Variants in CNTN1 observed in about 807,000 individuals in gnomAD.
The protein encoded by CNTN1 is contactin-1.
Under a neutral mutation model 126.4 loss-of-function variants are expected in CNTN1, and 38 were observed. The ratio of observed to expected loss-of-function variants is 0.30; its 90% CI spans 0.23 to 0.39. The LOEUF is 0.39. Ranked by LOEUF, CNTN1 falls within the 10% of genes least tolerant of loss-of-function variation. The pLI is 1.00. For missense variants in CNTN1, 1,009 were observed against 1,248.4 expected, an observed-to-expected ratio of 0.81 and a Z score of 2.89; for synonymous variants, 413 against 422.6, an observed-to-expected ratio of 0.98 and a Z score of 0.28.
At chr12:40,707,349 C>G (rs1027019903) in intron 1 of CNTN1, among the ~76,000 whole-genome samples, 33 of 148,940 alleles carry the variant, frequency 2.2e-4, no homozygotes, top group Non-Finnish European at 3.8e-4. Context: ...CCTGGGTTCG[C>G]GCCATTCTCC....
intron 6 of CNTN1, among the ~76,000 whole-genome samples, chr12:40,926,629 G>A (rs900681497): frequency 6.6e-6 from 1 of 152,178 alleles, no homozygotes; most frequent in East Asian, 1.9e-4. Context: ...AGGACCTGGG[G>A]AGGACAAAGG....
intron 12 of CNTN1, among the ~76,000 whole-genome samples, chr12:40,943,284 A>C (rs957645825): frequency 3.3e-5 from 5 of 152,050 alleles, no homozygotes; most frequent in African/African-American, 1.2e-4. Flanking sequence ...CTGAGGTTAC[A>C]TTTCTGGGAG....
intron 23 of CNTN1, among the ~76,000 whole-genome samples, chr12:41,052,342 T>C (rs925241705): frequency 1.3e-5 from 2 of 152,210 alleles, no homozygotes; most frequent in African/African-American, 2.4e-5. Context: ...CCAAATCTGC[T>C]ACATGCCTAT....
chr12:40,815,319 T>C (rs916646732), intron 1 of CNTN1, among the ~76,000 whole-genome samples: 18 of 152,274 alleles, frequency 1.2e-4, no homozygotes, highest in African/African-American at 4.1e-4. Context: ...TGTTCTCTCA[T>C]TTGCTTGAGC....
At chr12:40,718,662 A>C (rs1386301245) in intron 1 of CNTN1, among the ~76,000 whole-genome samples, 1 of 152,190 alleles carries the variant, frequency 6.6e-6, no homozygotes, top group African/African-American at 2.4e-5. Flanking sequence ...GTACAACTAA[A>C]TAGAGTCCTC....
chr12:40,785,531 A>G (rs1174653691), intron 1 of CNTN1, among the ~76,000 whole-genome samples: 1 of 152,152 alleles, frequency 6.6e-6, no homozygotes, highest in African/African-American at 2.4e-5. Flanking sequence ...GTGGATTATC[A>G]TTAGTTCTTG....
intron 1 of CNTN1, among the ~76,000 whole-genome samples, chr12:40,819,706 C>G (rs527959405): frequency 2.0e-4 from 31 of 152,322 alleles, no homozygotes; most frequent in African/African-American, 7.5e-4. Context: ...TCGCCCCTCC[C>G]CCCTGGAGTT....
chr12:40,761,902 C>G (rs542860376), intron 1 of CNTN1, among the ~76,000 whole-genome samples: 2 of 152,136 alleles, frequency 1.3e-5, no homozygotes, highest in South Asian at 4.2e-4. Flanking sequence ...ACTGATTTCT[C>G]TGTTTTTGTT....
chr12:40,728,868 TGCATCAACTGG>T (rs1347801657), intron 1 of CNTN1: 4 of 152,196 alleles, frequency 2.6e-5, no homozygotes, highest in Non-Finnish European at 5.9e-5. Context: ...TTGTCCTACC[TGCATCAACTGG>T]GCATCCAAGG....
intron 1 of CNTN1, among the ~76,000 whole-genome samples, chr12:40,768,644 A>T (rs1939218291): frequency 6.6e-6 from 1 of 152,212 alleles, no homozygotes; most frequent in South Asian, 2.1e-4. Context: ...TAATTCCTTT[A>T]AACAACGTAC....
intron 23 of CNTN1, among the ~76,000 whole-genome samples, chr12:41,037,946 C>A (rs1315626872): frequency 6.6e-6 from 1 of 152,018 alleles, no homozygotes; most frequent in African/African-American, 2.4e-5. Flanking sequence ...TAACTTGAGG[C>A]CAGAAGTTTG....
intron 1 of CNTN1, among the ~76,000 whole-genome samples, chr12:40,771,427 A>G (rs527965818): frequency 3.3e-5 from 5 of 151,996 alleles, no homozygotes; most frequent in Non-Finnish European, 5.9e-5. Context: ...AGTGTTATTT[A>G]TTTCTTTTAT....
Position 41,036,222 on chromosome 12 carries a change from A to G in CNTN1, c.2980+7003A>G, listed in dbSNP as rs12307341. On this transcript the variant is annotated intron_variant, in intron 23 of 23. Transcript: ENST00000551295. Reference sequence around the variant, plus strand: ...TGAAGACTCCAGCTTCTTCTTTTCTATGACTTCCCAATTCTTCCCCTTCTG... The same window carrying G: ...TGAAGACTCCAGCTTCTTCTTTTCTGTGACTTCCCAATTCTTCCCCTTCTG... Among the ~76,000 whole-genome samples the G allele has an allele frequency of 9.2e-3, 1,393 of 152,236 alleles. 21 individuals are homozygous for G. Among genetic ancestry groups the G allele is most frequent in the African/African-American group, 0.031 (1,294 of 41,530 alleles).
intron 1 of CNTN1, among the ~76,000 whole-genome samples, chr12:40,704,658 A>G (rs974200311): frequency 3.3e-5 from 5 of 152,162 alleles, no homozygotes; most frequent in Admixed American, 2.0e-4. Context: ...TCCTGTTTGT[A>G]TACAATCATA....
chr12:40,721,367 T>C (rs1018406360), intron 1 of CNTN1, among the ~76,000 whole-genome samples: 59 of 152,276 alleles, frequency 3.9e-4, no homozygotes, highest in African/African-American at 1.4e-3. Context: ...CCTTTTTTTC[T>C]AGGTTTTAAG....
intron 1 of CNTN1, among the ~76,000 whole-genome samples, chr12:40,831,279 G>A (rs1476147551): frequency 6.6e-6 from 1 of 151,034 alleles, no homozygotes; most frequent in Non-Finnish European, 1.5e-5. Context: ...TGATTAGGAG[G>A]CCTACAAGTA....
chr12:41,001,631 G>A (rs1948363011), intron 17 of CNTN1, among the ~76,000 whole-genome samples: 1 of 152,104 alleles, frequency 6.6e-6, no homozygotes, highest in South Asian at 2.1e-4. Context: ...TTTTGCTATT[G>A]TTACAATTGC....
At chr12:40,807,866 C>T (rs1165823043) in intron 1 of CNTN1, among the ~76,000 whole-genome samples, 3 of 152,014 alleles carry the variant, frequency 2.0e-5, no homozygotes, top group Non-Finnish European at 4.4e-5. Context: ...CTCTTAATGT[C>T]TTTTAATATT....
chr12:40,784,817 C>A (rs1419150630), intron 1 of CNTN1, among the ~76,000 whole-genome samples: 1 of 152,160 alleles, frequency 6.6e-6, no homozygotes, highest in African/African-American at 2.4e-5. Flanking sequence ...ATTGGATTGG[C>A]ACAAATCTGC....
Sources: gnomAD v4.1 joint callset for allele counts (sites outside exome capture counted in the v4.1 genomes callset) on GRCh38, gnomAD v4.1.1 for gene constraint, MANE v1.5 for transcripts, NCBI Gene and HGNC (gene_info 2026-07-23, HGNC 2026-07-21) for gene names.